IL12RB2: variants seen among roughly 807,000 people sequenced by gnomAD.
IL12RB2 encodes interleukin 12 receptor subunit beta 2.
Under a neutral mutation model 89.4 loss-of-function variants are expected in IL12RB2, and 82 were observed. The observed-to-expected ratio is 0.92, with a 90% CI of 0.77 to 1.10. The LOEUF is 1.10. Ranked by LOEUF, IL12RB2 falls within the 50% of genes least tolerant of loss-of-function variation. IL12RB2 has a pLI of 0.00. For missense variants in IL12RB2, 963 were observed against 1,031.9 expected (o/e 0.93, Z 0.92); for synonymous variants, 368 against 370.1 (o/e 0.99, Z 0.07).
At chr1:67,355,278 G>T (rs17129855) in intron 10 of IL12RB2, among the ~76,000 whole-genome samples, 7,328 of 152,082 alleles carry the variant, frequency 0.048, 225 homozygotes, top group Admixed American at 0.07. Flanking sequence ...GCCAGGTGTG[G>T]TAGTGTGCGC....
At chr1:67,372,301 T>G (rs989372150) in intron 11 of IL12RB2, 135 bp from the exon 12 acceptor site, 1 of 725,202 alleles carries the variant, frequency 1.4e-6, no homozygotes, top group African/African-American at 1.7e-5. Context: ...CAGTCCAGAC[T>G]GTGCTTGAAC....
chr1:67,386,671 T>C lies in IL12RB2; in HGVS notation c.1946+2T>C. On this transcript the variant is annotated splice_donor_variant, in intron 15 of 16. Transcript: ENST00000674203. LOFTEE classifies it high-confidence loss of function. Reference sequence around the variant, plus strand: ...CTCAACGCATTACTTCCAGCAAAAGTGAGTTGGTTACACCTACCAAGTGGG... The same window carrying C: ...CTCAACGCATTACTTCCAGCAAAAGCGAGTTGGTTACACCTACCAAGTGGG... The C allele has an allele frequency of 6.3e-7, 1 of 1,593,580 alleles. No individual in the cohort carries two copies. Among genetic ancestry groups the C allele is most frequent in the Non-Finnish European group, 8.6e-7 (1 of 1,161,340 alleles).
intron 10 of IL12RB2, among the ~76,000 whole-genome samples, chr1:67,360,573 A>C (rs1242357719): frequency 6.6e-6 from 1 of 152,034 alleles, no homozygotes; most frequent in Non-Finnish European, 1.5e-5. Flanking sequence ...AGGCAGGCAG[A>C]TCACTTGAGG....
chr1:67,321,521 T>C, intron 3 of IL12RB2, 81 bp from the exon 4 acceptor site: 1 of 897,400 alleles, frequency 1.1e-6, no homozygotes, highest in Non-Finnish European at 1.9e-6. Context: ...TTTTACCCTG[T>C]TTTGGGGAAT....
chr1:67,379,893 T>G, intron 13 of IL12RB2, 93 bp from the exon 14 acceptor site: 3 of 1,018,900 alleles, frequency 2.9e-6, no homozygotes, highest in Non-Finnish European at 4.7e-6. Context: ...CCTTCCAAAT[T>G]AAATGAAGCA....
At chr1:67,393,319 A>T (rs911974956) in intron 16 of IL12RB2, among the ~76,000 whole-genome samples, 41 of 152,216 alleles carry the variant, frequency 2.7e-4, no homozygotes, top group Non-Finnish European at 5.9e-5. Context: ...AATAGTGTCC[A>T]TGAGGTTCCT....
At chr1:67,391,419 T>C (rs1665813973) in intron 16 of IL12RB2, among the ~76,000 whole-genome samples, 4 of 147,838 alleles carry the variant, frequency 2.7e-5, no homozygotes, top group Non-Finnish European at 1.5e-5. Context: ...TGCTGTTTTA[T>C]ATATATGTAT....
At chr1:67,322,362 C>T (rs1443279722) in intron 4 of IL12RB2, among the ~76,000 whole-genome samples, 1 of 150,404 alleles carries the variant, frequency 6.6e-6, no homozygotes, top group Non-Finnish European at 1.5e-5. Context: ...GGTTCTCATA[C>T]TTAACAGAAG....
chr1:67,391,641 AT>A (rs764415306), intron 16 of IL12RB2, among the ~76,000 whole-genome samples: 153 of 143,630 alleles, frequency 1.1e-3, no homozygotes, highest in East Asian at 1.6e-3. Flanking sequence ...AGGTCGTATG[AT>A]TTTTTTTTTT....
chr1:67,326,276 T>C (rs1441577780), intron 4 of IL12RB2, among the ~76,000 whole-genome samples: 1 of 152,160 alleles, frequency 6.6e-6, no homozygotes, highest in Non-Finnish European at 1.5e-5. Context: ...CCAGGGGTAA[T>C]GGAGCTAGCA....
rs200650172 is a variant in IL12RB2 at position 67,395,779 on chromosome 1, G to C, written c.2279G>C (p.Ser760Thr). The C allele has an allele frequency of 1.2e-6, 2 of 1,614,122 alleles. No homozygotes were observed. The highest frequency in any genetic ancestry group is 1.7e-6 in the Non-Finnish European group (2 of 1,179,942). Reference protein sequence around the residue: ...PPPPRALQAESRQLVDLYKVL... With the variant: ...PPPPRALQAETRQLVDLYKVL... ...CCTCCAAGAGCTCTCCAAGCTGAGAGCAGACAACTGGTGGATCTGTACAAG... is the reference window on the plus strand; with the variant it reads ...CCTCCAAGAGCTCTCCAAGCTGAGACCAGACAACTGGTGGATCTGTACAAG... The change falls in exon 17 of 17, where the codon AGC becomes ACC. Residue 760 changes from serine to threonine, a missense_variant. Coordinates refer to ENST00000674203, the MANE Select transcript of IL12RB2 (RefSeq NM_001374259.2).
intron 14 of IL12RB2, among the ~76,000 whole-genome samples, chr1:67,382,051 G>A (rs555865460): frequency 6.6e-6 from 1 of 152,292 alleles, no homozygotes; most frequent in Admixed American, 6.5e-5. Flanking sequence ...CTCCAAACTT[G>A]TTCCATCTGC....
Position 67,395,996 on chromosome 1 carries a change from C to G in IL12RB2, c.2496C>G (p.Phe832Leu). Reference protein sequence around the residue: ...LEPQHISLSVFPSSSLHPLTF... With the variant: ...LEPQHISLSVLPSSSLHPLTF... ...CTCAGCACATCTCCCTTTCTGTTTT[C>G]CCCTCAAGTTCTCTTCACCCACTCA... Residue 832 changes from phenylalanine to leucine, a missense_variant, in exon 17 of 17, where the codon TTC becomes TTG. Transcript: ENST00000674203. 6.2e-7 allele frequency: 1 copy of G among 1,603,818 alleles called. No homozygotes were observed. Among genetic ancestry groups the G allele is most frequent in the African/African-American group, 1.3e-5 (1 of 74,856 alleles).
rs113768393 is a variant in IL12RB2 at position 67,322,668 on chromosome 1, C to T, written c.364+779C>T. ...GAAAGAGCATATAGAAATCTCATGA[C>T]AAGAGAAAGAAGAACTTAACTATCT... is the stretch of plus-strand genomic sequence containing the variant. On this transcript the variant is annotated intron_variant, in intron 4 of 16. Coordinates refer to ENST00000674203, the MANE Select transcript of IL12RB2 (RefSeq NM_001374259.2). Among the ~76,000 whole-genome samples the T allele has an allele frequency of 1.1e-3, 25 of 22,962 alleles. No individual in the cohort carries two copies. The South Asian group carries it at 0.032, about 30-fold the overall frequency. The allele number at this position is 22,962 out of a possible 152,430, so 15.1% of individuals were successfully genotyped here.
chr1:67,392,923 C>T (rs989266347), intron 16 of IL12RB2, among the ~76,000 whole-genome samples: 4 of 152,044 alleles, frequency 2.6e-5, no homozygotes, highest in Non-Finnish European at 5.9e-5. Flanking sequence ...CACACCTGGC[C>T]TAGAATATCT....
intron 11 of IL12RB2, among the ~76,000 whole-genome samples, chr1:67,370,881 G>T (rs1663228149): frequency 1.3e-5 from 2 of 152,196 alleles, no homozygotes; most frequent in South Asian, 2.1e-4. Flanking sequence ...CTCCGCTAAA[G>T]GTAAGCCATT....
At chr1:67,352,058 C>T (rs927740507) in intron 10 of IL12RB2, among the ~76,000 whole-genome samples, 2 of 152,128 alleles carry the variant, frequency 1.3e-5, no homozygotes, top group Non-Finnish European at 2.9e-5. Context: ...ATTTAATATA[C>T]ACTGTTAAAT....
intron 9 of IL12RB2, among the ~76,000 whole-genome samples, chr1:67,341,295 T>A (rs996940541): frequency 5.9e-5 from 9 of 152,072 alleles, no homozygotes; most frequent in African/African-American, 1.2e-4. Flanking sequence ...GATGCCCACC[T>A]GTAATCTCAG....
Position 67,395,961 on chromosome 1 carries a change from G to C in IL12RB2, c.2461G>C (p.Glu821Gln). The change falls in exon 17 of 17, where the codon GAA becomes CAA. Residue 821 changes from glutamate (E) to glutamine (Q), a missense_variant. Physicochemically the swap from Glu to Gln is conservative, Grantham distance 29 (BLOSUM62 2). Transcript: ENST00000674203. ...HEAPLADSLE[E>Q]LEPQHISLSV... ...GGCACCTCTCGCTGACTCTCTGGAA[G>C]AACTGGAGCCTCAGCACATCTCCCT... 1 of 1,609,542 alleles carries C rather than the reference G, an allele frequency of 6.2e-7. No individual in the cohort carries two copies. The highest frequency in any genetic ancestry group is 1.1e-5 in the South Asian group (1 of 90,992).
Sources: allele counts gnomAD v4.1 joint callset (sites outside exome capture counted in the v4.1 genomes callset), GRCh38; gene constraint gnomAD v4.1.1; transcripts MANE v1.5; gene names NCBI Gene and HGNC (gene_info 2026-07-23, HGNC 2026-07-21).